PPP2R2B: variants seen among roughly 807,000 people sequenced by gnomAD.
The protein encoded by PPP2R2B is serine/threonine-protein phosphatase 2A 55 kDa regulatory subunit B beta isoform.
In PPP2R2B, 5 loss-of-function variants were observed where a neutral mutation model predicts 46.0. The observed-to-expected ratio is 0.11, with a 90% CI of 0.06 to 0.23. The LOEUF is 0.23. Among genes scored for constraint, PPP2R2B ranks in the 10% least tolerant of loss-of-function variants. The probability of loss-of-function intolerance (pLI) is 1.00; values close to 1 mark genes in which losing one functional copy is unlikely to be tolerated. For synonymous variants in PPP2R2B, 215 were observed against 206.7 expected (o/e 1.04, Z -0.34); for missense variants, 367 against 575.0 (o/e 0.64, Z 3.70).
intron 1 of PPP2R2B, among the ~76,000 whole-genome samples, chr5:147,047,852 G>A (rs982648453): frequency 2.6e-5 from 4 of 152,108 alleles, no homozygotes; most frequent in African/African-American, 7.2e-5. Flanking sequence ...CCAGATATCA[G>A]AAGCCTTCAC....
intron 2 of PPP2R2B, among the ~76,000 whole-genome samples, chr5:146,744,133 C>G (rs1753037917): frequency 6.6e-6 from 1 of 152,206 alleles, no homozygotes; most frequent in South Asian, 2.1e-4. Flanking sequence ...GCTCCTTCCT[C>G]CTTTTCATAA....
At chr5:146,772,397 T>C (rs1754914687) in intron 2 of PPP2R2B, among the ~76,000 whole-genome samples, 1 of 4,448 alleles carries the variant, frequency 2.2e-4, no homozygotes, top group Non-Finnish European at 5.7e-4. Context: ...TATATATATA[T>C]ATATATATAT....
chr5:146,796,981 C>T (rs755902976), intron 2 of PPP2R2B, among the ~76,000 whole-genome samples: 3 of 152,148 alleles, frequency 2.0e-5, no homozygotes, highest in Non-Finnish European at 4.4e-5. Context: ...AGTTCTCCAC[C>T]TTTTAAGGTG....
At chr5:146,602,451 A>G (rs1340514529) in intron 7 of PPP2R2B, among the ~76,000 whole-genome samples, 2 of 152,206 alleles carry the variant, frequency 1.3e-5, no homozygotes, top group Non-Finnish European at 2.9e-5. Context: ...ACATTCAATT[A>G]TTTTTGACCT....
At chr5:147,067,180 T>C (rs915437443) in intron 2 of PPP2R2B, among the ~76,000 whole-genome samples, 3 of 152,214 alleles carry the variant, frequency 2.0e-5, no homozygotes, top group Non-Finnish European at 4.4e-5. Context: ...TATTTACTTA[T>C]AAGAACACTA....
chr5:146,819,490 A>G lies in PPP2R2B; in HGVS notation c.70+58512T>C, dbSNP rs144508065. On this transcript the variant is annotated intron_variant, in intron 2 of 9. Coordinates refer to ENST00000394411, the MANE Select transcript of PPP2R2B (RefSeq NM_181675.4). Reference sequence around the variant, plus strand: ...ACCTCTCTTTGAATGTGGAGATGGCAAAGTGTCAACTCCTGACCTTCCTAA... The same window carrying G: ...ACCTCTCTTTGAATGTGGAGATGGCGAAGTGTCAACTCCTGACCTTCCTAA... Among the ~76,000 whole-genome samples, 204 of 152,334 alleles carry G rather than the reference A, an allele frequency of 1.3e-3. 2 individuals carry two copies. The highest frequency in any genetic ancestry group is 4.7e-3 in the African/African-American group (195 of 41,580).
chr5:147,022,122 A>G (rs1227664558), intron 1 of PPP2R2B, among the ~76,000 whole-genome samples: 3 of 152,206 alleles, frequency 2.0e-5, no homozygotes, highest in Non-Finnish European at 4.4e-5. Context: ...TATTCAAACT[A>G]AAACATTAAA....
chr5:146,858,665 T>C (rs1307587856), intron 2 of PPP2R2B, among the ~76,000 whole-genome samples: 1 of 152,180 alleles, frequency 6.6e-6, no homozygotes, highest in African/African-American at 2.4e-5. Context: ...GATCAATCCA[T>C]TGTTTTTCTT....
At chr5:146,917,306 G>A (rs1022688589) in intron 1 of PPP2R2B, among the ~76,000 whole-genome samples, 1 of 152,184 alleles carries the variant, frequency 6.6e-6, no homozygotes, top group Non-Finnish European at 1.5e-5. Flanking sequence ...CACAGTGGGT[G>A]CTCAAGAAAT....
At chr5:147,055,808 G>T in exon 1 of PPP2R2B, 11 of 1,545,190 alleles carry the variant, frequency 7.1e-6, no homozygotes, top group Middle Eastern at 2.1e-4. Flanking sequence ...GGATTCTCTC[G>T]GCCTTTTAAG....
chr5:146,838,600 A>C (rs2151364272), intron 2 of PPP2R2B, among the ~76,000 whole-genome samples: 1 of 152,002 alleles, frequency 6.6e-6, no homozygotes, highest in South Asian at 2.1e-4. Flanking sequence ...AAAAGAAGGA[A>C]GGGAGAGAAG....
chr5:146,660,177 C>T (rs185150722), intron 5 of PPP2R2B, among the ~76,000 whole-genome samples: 8 of 152,136 alleles, frequency 5.3e-5, no homozygotes, highest in Admixed American at 3.9e-4. Flanking sequence ...TGTGTGTACC[C>T]ATTATTGAAG....
At chr5:146,657,714 G>A (rs1457133552) in intron 5 of PPP2R2B, among the ~76,000 whole-genome samples, 2 of 151,942 alleles carry the variant, frequency 1.3e-5, no homozygotes, top group Non-Finnish European at 2.9e-5. Flanking sequence ...TTTAATCAAG[G>A]CCCCATAGAC....
At chr5:146,740,648 T>C (rs919239227) in intron 2 of PPP2R2B, among the ~76,000 whole-genome samples, 2 of 149,404 alleles carry the variant, frequency 1.3e-5, no homozygotes, top group Non-Finnish European at 3.0e-5. Flanking sequence ...ATGGATGCCA[T>C]TAAAATATAT....
At chr5:146,921,029 C>G (rs1763586700) in intron 1 of PPP2R2B, among the ~76,000 whole-genome samples, 2 of 152,152 alleles carry the variant, frequency 1.3e-5, no homozygotes, top group African/African-American at 4.8e-5. Context: ...GTGCAGGGTA[C>G]AGTATGTTGT....
chr5:146,725,742 T>C (rs1751825424), intron 2 of PPP2R2B, among the ~76,000 whole-genome samples: 1 of 152,222 alleles, frequency 6.6e-6, no homozygotes, highest in Admixed American at 6.5e-5. Context: ...AAAATAGTTA[T>C]GTGACCTTCC....
intron 7 of PPP2R2B, among the ~76,000 whole-genome samples, chr5:146,618,538 C>A (rs1320406656): frequency 2.6e-5 from 4 of 152,230 alleles, no homozygotes; most frequent in Non-Finnish European, 5.9e-5. Context: ...CGTTTGTCAA[C>A]AAAGGGAGGG....
chr5:146,823,891 C>G (rs1335241061), intron 2 of PPP2R2B, among the ~76,000 whole-genome samples: 1 of 152,142 alleles, frequency 6.6e-6, no homozygotes, highest in African/African-American at 2.4e-5. Context: ...CTCAACCAAA[C>G]TTATGCTGTA....
intron 2 of PPP2R2B, among the ~76,000 whole-genome samples, chr5:146,874,216 C>T (rs1304472156): frequency 6.6e-6 from 1 of 152,144 alleles, no homozygotes; most frequent in Admixed American, 6.5e-5. Context: ...ATCTCCTTTG[C>T]TAGATTGAAA....
Sources: gnomAD v4.1 joint callset for allele counts (sites outside exome capture counted in the v4.1 genomes callset) on GRCh38, gnomAD v4.1.1 for gene constraint, MANE v1.5 for transcripts, NCBI Gene and HGNC (gene_info 2026-07-23, HGNC 2026-07-21) for gene names.